Variants in SIDT2 observed in about 807,000 individuals in gnomAD.
SIDT2 encodes SID1 transmembrane family, member 2.
SIDT2 carries 68 observed loss-of-function variants against 114.4 expected under a neutral mutation model. That is an observed-to-expected ratio of 0.59 (90% CI 0.49 to 0.73). The LOEUF (loss-of-function observed/expected upper bound fraction) is 0.73. Among genes scored for constraint, SIDT2 ranks in the 30% least tolerant of loss-of-function variants. The pLI, the probability that SIDT2 is intolerant of heterozygous loss-of-function variation, is 0.00. For synonymous variants in SIDT2, 470 were observed against 438.4 expected (o/e 1.07, Z -0.90); for missense variants, 918 against 1,097.1 (o/e 0.84, Z 2.31).
At chr11:117,189,752 C>T in intron 15 of SIDT2, 200 bp from the exon 16 acceptor site, 1 of 614,102 alleles carries the variant, frequency 1.6e-6, no homozygotes, top group Non-Finnish European at 2.9e-6. Context: ...GGTTTTCAGC[C>T]ACGCCTAATG....
In SIDT2 at chr11:117,192,377, G is replaced by A. The variant is rs373192670; in HGVS notation, c.1981+15G>A. On this transcript the variant is annotated intron_variant, in intron 20 of 25. Transcript: ENST00000324225. The surrounding 1 kb of genome is among the most constrained non-coding windows in gnomAD (Gnocchi z 5.9). The stretch of plus-strand genomic sequence containing the variant: ...GTGGAAACTGGGTAAGGGCACGCCC[G>A]GGGCAGGGCCTGGGGGAGGGGTCTG... The A allele has an allele frequency of 2.8e-5, 43 of 1,529,480 alleles. No individual in the cohort carries two copies. Among genetic ancestry groups the A allele is most frequent in the East Asian group, 4.5e-5 (2 of 44,492 alleles). The allele number at this position is 1,529,480 out of a possible 1,614,324, so 94.7% of individuals were successfully genotyped here. A position where few individuals can be genotyped will look rare whatever the true frequency, so the allele number is the denominator to read the frequency against.
chr11:117,185,894 A>AGC, intron 8 of SIDT2: 1 of 257,408 alleles, frequency 3.9e-6, no homozygotes, highest in Non-Finnish European at 6.5e-6. Flanking sequence ...AAAAAAAAAA[A>AGC]AGTAGAAGAG....
Position 117,182,581 on chromosome 11 carries a change from G to C in SIDT2, c.579G>C (p.Lys193Asn). 2 of 1,614,240 alleles carry C rather than the reference G, an allele frequency of 1.2e-6. No homozygotes were observed. Among genetic ancestry groups the C allele is most frequent in the Non-Finnish European group, 1.7e-6 (2 of 1,180,048 alleles). Residue 193 changes from lysine to asparagine, a missense_variant, in exon 5 of 26, where the codon AAG (lysine) becomes AAC (asparagine). By Grantham distance (94) the Lys-to-Asn change is moderately conservative. Transcript: ENST00000324225. ...TAATTGTCAAGGTGACCTCCAACAAGGCCTTCCCCTGCTCAGTCATCTCCA... is the reference window on the plus strand; with the variant it reads ...TAATTGTCAAGGTGACCTCCAACAACGCCTTCCCCTGCTCAGTCATCTCCA... ...DSVIVKVTSNKAFPCSVISIQ... is the reference protein window; with the variant it reads ...DSVIVKVTSNNAFPCSVISIQ...
At position 117,196,078 on chromosome 11, in the gene SIDT2, C is replaced by T. The variant is rs2134263673; in HGVS notation, c.*12C>T. On this transcript the variant is annotated 3_prime_UTR_variant, in exon 26 of 26. Transcript: ENST00000324225. This position sits in a 1 kb window ranked among gnomAD's most constrained non-coding sequence, Gnocchi z 4.9. ...TCTATGTCTTCTAGCAGGAGCTGGG[C>T]CCTTCGCTTCACCTCAAGGGGCCCT... The T allele has an allele frequency of 6.2e-7, 1 of 1,614,120 alleles. No individual in the cohort carries two copies. Among genetic ancestry groups the T allele is most frequent in the Middle Eastern group, 1.7e-4 (1 of 6,060 alleles).
At chr11:117,187,799 C>A (rs1337851049) in intron 12 of SIDT2, 100 bp downstream of exon 12, 12 of 1,133,714 alleles carry the variant, frequency 1.1e-5, no homozygotes, top group Admixed American at 6.9e-5. Flanking sequence ...ATGCTGGAAC[C>A]TGGGAAGGGC....
chr11:117,180,080 A>G (rs1395822946), intron 1 of SIDT2, among the ~76,000 whole-genome samples: 3 of 152,214 alleles, frequency 2.0e-5, no homozygotes, highest in Non-Finnish European at 4.4e-5. Context: ...CTGAGTTGAA[A>G]TAGACACAGC....
chr11:117,188,086 G>A lies in SIDT2; in HGVS notation c.1159+387G>A. 9.1e-6 allele frequency: 4 copies of A among 439,954 alleles called. No individual in the cohort carries two copies. The highest frequency in any genetic ancestry group is 1.8e-5 in the Non-Finnish European group (4 of 223,430). 27.3% of individuals were successfully genotyped at this position (439,954 alleles called of 1,614,324 possible). On this transcript the variant is annotated intron_variant, in intron 12 of 25. Coordinates refer to ENST00000324225, the MANE Select transcript of SIDT2 (RefSeq NM_001040455.2). This position sits in a 1 kb window ranked among gnomAD's most constrained non-coding sequence, Gnocchi z 4.0. ...GTAATTCCAGTAATTGCCCGCTCTT[G>A]TGTCTTCTGAGATAGCAGCAGAGCA...
chr11:117,182,235 G>A (rs1225365304), intron 4 of SIDT2, 130 bp downstream of exon 4: 1 of 1,068,396 alleles, frequency 9.4e-7, no homozygotes, highest in Non-Finnish European at 1.4e-6. Flanking sequence ...TCTGGAAACA[G>A]GAGCTCTGGC....
At position 117,197,426 on chromosome 11, in the gene SIDT2, A is replaced by G. The variant is rs1233002809; in HGVS notation, c.*1360A>G. Reference sequence around the variant, plus strand: ...TTTTCTATGAATGAATTTGCATTCAATAAACAACCAGACTCAGTTCTTGGG... The same window carrying G: ...TTTTCTATGAATGAATTTGCATTCAGTAAACAACCAGACTCAGTTCTTGGG... On this transcript the variant is annotated 3_prime_UTR_variant, in exon 26 of 26. Transcript: ENST00000324225. 1 of 152,642 alleles carries G rather than the reference A, an allele frequency of 6.6e-6. No homozygotes were observed. Among genetic ancestry groups the G allele is most frequent in the African/African-American group, 2.4e-5 (1 of 41,434 alleles). The allele number at this position is 152,642 out of a possible 1,614,324, so 9.5% of individuals were successfully genotyped here.
rs2030888667 is a variant in SIDT2 at position 117,196,119 on chromosome 11, A to G, written c.*53A>G. Reference sequence around the variant, plus strand: ...AAGGGGCCCTGAGCTCCTTTGTGTCATAGACCGGTCACTCTGTCGTGCTGT... The same window carrying G: ...AAGGGGCCCTGAGCTCCTTTGTGTCGTAGACCGGTCACTCTGTCGTGCTGT... On this transcript the variant is annotated 3_prime_UTR_variant, in exon 26 of 26. Coordinates refer to ENST00000324225, the MANE Select transcript of SIDT2 (RefSeq NM_001040455.2). The surrounding 1 kb of genome is among the most constrained non-coding windows in gnomAD (Gnocchi z 4.9). 6.2e-7 allele frequency: 1 copy of G among 1,611,272 alleles called. No individual in the cohort carries two copies. The highest frequency in any genetic ancestry group is 8.5e-7 in the Non-Finnish European group (1 of 1,178,310).
chr11:117,192,248 C>A lies in SIDT2; in HGVS notation c.1873-6C>A. On this transcript the variant is annotated splice_polypyrimidine_tract_variant and splice_region_variant and intron_variant, in intron 19 of 25. Transcript: ENST00000324225. The surrounding 1 kb of genome is among the most constrained non-coding windows in gnomAD (Gnocchi z 5.9). The stretch of plus-strand genomic sequence containing the variant: ...CTCACCGCTGCCCTTGGTGGCCTCC[C>A]GACAGGTCTTTGGCAAAGGGAACAC... 1 of 1,589,846 alleles carries A rather than the reference C, an allele frequency of 6.3e-7. No homozygotes were observed. Among genetic ancestry groups the A allele is most frequent in the Non-Finnish European group, 8.6e-7 (1 of 1,158,090 alleles).
rs2030601617 is a variant in SIDT2 at position 117,188,941 on chromosome 11, C to T, written c.1278+115C>T. ...TTTAGGGAAGCAGAAGGAAGGGGCT[C>T]AGCTGGGGCAGGGCAGATGCCGGGG... On this transcript the variant is annotated intron_variant, in intron 13 of 25. Transcript: ENST00000324225. This position sits in a 1 kb window ranked among gnomAD's most constrained non-coding sequence, Gnocchi z 4.0. 2.6e-6 allele frequency: 3 copies of T among 1,137,514 alleles called. No individual in the cohort carries two copies. Among genetic ancestry groups the T allele is most frequent in the Admixed American group, 1.7e-5 (1 of 58,462 alleles). The allele number at this position is 1,137,514 out of a possible 1,614,324, so 70.5% of individuals were successfully genotyped here. A position where few individuals can be genotyped will look rare whatever the true frequency, so the allele number is the denominator to read the frequency against.
At chr11:117,186,368 A>T (rs2030497411) in intron 9 of SIDT2, 145 bp downstream of exon 9, 1 of 837,066 alleles carries the variant, frequency 1.2e-6, no homozygotes, top group African/African-American at 1.7e-5. Flanking sequence ...TCTGTGGCCC[A>T]TGAGCCTCTC....
At chr11:117,180,701 A>G (rs1354051778) in intron 1 of SIDT2, among the ~76,000 whole-genome samples, 1 of 151,568 alleles carries the variant, frequency 6.6e-6, no homozygotes, top group Non-Finnish European at 1.5e-5. Flanking sequence ...ATACCCAGCT[A>G]ATTTTTGTAT....
rs1047919509 is a variant in SIDT2 at position 117,182,336 on chromosome 11, G to A, written c.517-183G>A. 5 of 709,622 alleles carry A rather than the reference G, an allele frequency of 7.0e-6. No individual in the cohort carries two copies. The African/African-American group carries it at 8.9e-5, about 13-fold the overall frequency. The allele number at this position is 709,622 out of a possible 1,614,324, so 44.0% of individuals were successfully genotyped here. On this transcript the variant is annotated intron_variant, in intron 4 of 25. Coordinates refer to ENST00000324225, the MANE Select transcript of SIDT2 (RefSeq NM_001040455.2). ...GCATTCTGCTGAGTGCCCTGCTGAG[G>A]TTGAAGGGAATGGTATACAGAGAAA... is the stretch of plus-strand genomic sequence containing the variant.
chr11:117,185,954 G>A (rs1411941790), intron 8 of SIDT2, 176 bp from the exon 9 acceptor site: 4 of 550,902 alleles, frequency 7.3e-6, no homozygotes, highest in Non-Finnish European at 9.8e-6. Context: ...GTGTGTCAGA[G>A]TTTGGTGTAT....
At position 117,192,815 on chromosome 11, in the gene SIDT2, T is replaced by A; in HGVS notation, c.2059-5T>A. On this transcript the variant is annotated splice_region_variant and splice_polypyrimidine_tract_variant and intron_variant, in intron 21 of 25. Transcript: ENST00000324225. This position sits in a 1 kb window ranked among gnomAD's most constrained non-coding sequence, Gnocchi z 5.9. ...CTCAGTCCCTGTGTCCCTGCTTCCC[T>A]CCAGGACCGCATGGTGCTGCTGGTC... The A allele has an allele frequency of 6.2e-7, 1 of 1,614,144 alleles. No homozygotes were observed. Among genetic ancestry groups the A allele is most frequent in the Non-Finnish European group, 8.5e-7 (1 of 1,180,030 alleles).
At chr11:117,195,184 T>G (rs2030855418) in intron 24 of SIDT2, among the ~76,000 whole-genome samples, 2 of 146,774 alleles carry the variant, frequency 1.4e-5, no homozygotes, top group African/African-American at 2.5e-5. Context: ...CAGGGGCAGA[T>G]TTGGAGGTCA....
chr11:117,190,894 G>A lies in SIDT2; in HGVS notation c.1735+154G>A. On this transcript the variant is annotated intron_variant, in intron 18 of 25. Transcript: ENST00000324225. The surrounding 1 kb of genome is among the most constrained non-coding windows in gnomAD (Gnocchi z 4.1). ...GGGTGTGCACACATCCTAGCCTATG[G>A]AACATGGGCACCTAGATGCTGCTTC... The A allele has an allele frequency of 1.6e-6, 1 of 610,384 alleles. No individual in the cohort carries two copies. The highest frequency in any genetic ancestry group is 3.0e-6 in the Non-Finnish European group (1 of 338,286). The allele number at this position is 610,384 out of a possible 1,614,324, so 37.8% of individuals were successfully genotyped here.
Sources: gnomAD v4.1 joint callset for allele counts (sites outside exome capture counted in the v4.1 genomes callset) on GRCh38, gnomAD v4.1.1 for gene constraint, Gnocchi (gnomAD v3.1) non-coding constraint, MANE v1.5 for transcripts, NCBI Gene and HGNC (gene_info 2026-07-23, HGNC 2026-07-21) for gene names.